The following KLF12 variants were observed in gnomAD, a reference collection of about 807,000 sequenced individuals.
KLF12 encodes KLF transcription factor 12.
KLF12 carries 9 observed loss-of-function variants against 37.8 expected under a neutral mutation model. That is an observed-to-expected ratio of 0.24 (90% CI 0.14 to 0.42). The LOEUF is 0.42. Among genes scored for constraint, KLF12 ranks in the 10% least tolerant of loss-of-function variants. The pLI, the probability that KLF12 is intolerant of heterozygous loss-of-function variation, is 1.00. For synonymous variants in KLF12, 208 were observed against 202.1 expected (o/e 1.03, Z -0.25); for missense variants, 411 against 516.0 (o/e 0.80, Z 1.97).
intron 6 of KLF12, among the ~76,000 whole-genome samples, chr13:73,756,751 G>A (rs1007356890): frequency 1.4e-4 from 22 of 152,040 alleles, no homozygotes; most frequent in Non-Finnish European, 1.2e-4. Flanking sequence ...GTAACCAAGG[G>A]CTGGGCACCT....
At chr13:74,030,539 T>C (rs1427341953) in intron 1 of KLF12, among the ~76,000 whole-genome samples, 3 of 152,122 alleles carry the variant, frequency 2.0e-5, no homozygotes, top group East Asian at 3.8e-4. Flanking sequence ...ACACCTCTAC[T>C]GTTTCAGAAA....
chr13:73,937,254 T>C (rs1051129242), intron 3 of KLF12, among the ~76,000 whole-genome samples: 2 of 152,080 alleles, frequency 1.3e-5, no homozygotes, highest in African/African-American at 4.8e-5. Context: ...TGAACCGGTA[T>C]GCAAACATTA....
the KLF12 span, among the ~76,000 whole-genome samples, chr13:74,193,113 G>A: frequency 6.6e-6 from 1 of 151,678 alleles, no homozygotes; most frequent in East Asian, 1.9e-4. Context: ...CGAGTAGTTG[G>A]GATTACAGGT....
At chr13:74,118,678 T>G (rs144212430) in intron 1 of KLF12, among the ~76,000 whole-genome samples, 23 of 152,224 alleles carry the variant, frequency 1.5e-4, no homozygotes, top group Non-Finnish European at 3.1e-4. Flanking sequence ...GATACGAAAA[T>G]GGAATTAAAC....
At chr13:74,083,720 C>T (rs1239755873) in intron 1 of KLF12, among the ~76,000 whole-genome samples, 1 of 152,104 alleles carries the variant, frequency 6.6e-6, no homozygotes, top group Non-Finnish European at 1.5e-5. Flanking sequence ...ATAGCTCAAA[C>T]ATAATTGAGT....
At position 73,692,372 on chromosome 13, in the gene KLF12, A is replaced by C. The variant is rs1238669854; in HGVS notation, c.*3118T>G. 6.6e-6 allele frequency: 1 copy of C among 152,502 alleles called. No individual in the cohort carries two copies. The highest frequency in any genetic ancestry group is 1.5e-5 in the Non-Finnish European group (1 of 68,036). The allele number at this position is 152,502 out of a possible 1,614,324, so 9.4% of individuals were successfully genotyped here. On this transcript the variant is annotated 3_prime_UTR_variant, in exon 8 of 8. Coordinates refer to ENST00000377669, the MANE Select transcript of KLF12 (RefSeq NM_007249.5). Reference sequence around the variant, plus strand: ...CCCTTGAAATCAATCTCTATACTGCAAACAGAAAATCAGGTCTACTGCAGC... The same window carrying C: ...CCCTTGAAATCAATCTCTATACTGCCAACAGAAAATCAGGTCTACTGCAGC...
chr13:74,216,605 C>G, the KLF12 span, among the ~76,000 whole-genome samples: 1 of 152,120 alleles, frequency 6.6e-6, no homozygotes, highest in Admixed American at 6.5e-5. Context: ...AAGTTTACAT[C>G]AGGAGACATA....
intron 5 of KLF12, among the ~76,000 whole-genome samples, chr13:73,799,641 G>A (rs554602797): frequency 2.6e-4 from 39 of 152,154 alleles, no homozygotes; most frequent in African/African-American, 8.7e-4. Flanking sequence ...ACAATGTAAT[G>A]TACCCAATAA....
intron 1 of KLF12, among the ~76,000 whole-genome samples, chr13:74,051,341 A>ACACACAC (rs1872911332): frequency 1.7e-4 from 24 of 143,776 alleles, no homozygotes; most frequent in South Asian, 6.9e-4. Flanking sequence ...TACACACACA[A>ACACACAC]ACACACACAC....
intron 7 of KLF12, among the ~76,000 whole-genome samples, chr13:73,696,951 A>T (rs1188389695): frequency 6.6e-6 from 1 of 152,182 alleles, no homozygotes; most frequent in Non-Finnish European, 1.5e-5. Context: ...ATATACCATG[A>T]AGATTTCGTT....
At position 73,695,548 on chromosome 13, in the gene KLF12, C is replaced by A. The variant is rs1438715687; in HGVS notation, c.1151G>T (p.Arg384Leu). 6.2e-7 allele frequency: 1 copy of A among 1,614,076 alleles called. No homozygotes were observed. The highest frequency in any genetic ancestry group is 8.5e-7 in the Non-Finnish European group (1 of 1,179,974). Residue 384 changes from arginine to leucine, a missense_variant, in exon 8 of 8, where the codon CGC becomes CTC. Physicochemically the swap from Arg to Leu is moderately radical, Grantham distance 102. Transcript: ENST00000377669. The stretch of plus-strand genomic sequence containing the variant: ...CAAATGATCTGACCGGGAAAAGCTG[C>A]GATCACAGTCCGCGCACTTGAATGG...
chr13:73,697,953 G>T (rs1188735577), intron 7 of KLF12, among the ~76,000 whole-genome samples: 1 of 152,104 alleles, frequency 6.6e-6, no homozygotes, highest in African/African-American at 2.4e-5. Flanking sequence ...AGGAGTTCAA[G>T]ATCAGCCTGG....
chr13:73,772,103 G>C (rs1234011451), intron 5 of KLF12, among the ~76,000 whole-genome samples: 1 of 152,210 alleles, frequency 6.6e-6, no homozygotes, highest in African/African-American at 2.4e-5. Context: ...ACAGAGCTGT[G>C]CAGCCACATC....
chr13:74,162,380 T>C, the KLF12 span, among the ~76,000 whole-genome samples: 1 of 152,234 alleles, frequency 6.6e-6, no homozygotes, highest in South Asian at 2.1e-4. Flanking sequence ...AATGTCTCTT[T>C]TATCTCAACC....
At chr13:73,746,027 G>T (rs1419273972) in intron 6 of KLF12, among the ~76,000 whole-genome samples, 1 of 150,882 alleles carries the variant, frequency 6.6e-6, no homozygotes, top group Non-Finnish European at 1.5e-5. Context: ...ATTTCACAAC[G>T]GTGTGGCACC....
chr13:74,019,877 G>A (rs913592916), intron 1 of KLF12, among the ~76,000 whole-genome samples: 3 of 152,186 alleles, frequency 2.0e-5, no homozygotes, highest in Non-Finnish European at 4.4e-5. Context: ...TCATGGCCTG[G>A]ACATTAAATA....
chr13:74,155,201 T>C, the KLF12 span, among the ~76,000 whole-genome samples: 2 of 152,182 alleles, frequency 1.3e-5, no homozygotes, highest in African/African-American at 4.8e-5. Context: ...TGCATGAATG[T>C]TCCTTAGAAT....
the KLF12 span, among the ~76,000 whole-genome samples, chr13:74,195,790 G>T: frequency 2.6e-5 from 4 of 151,984 alleles, no homozygotes; most frequent in Admixed American, 6.6e-5. Context: ...AGGAGAGATG[G>T]CCAGGCTGGT....
At chr13:73,809,924 T>G (rs1391825642) in intron 5 of KLF12, among the ~76,000 whole-genome samples, 1 of 152,134 alleles carries the variant, frequency 6.6e-6, no homozygotes, top group Non-Finnish European at 1.5e-5. Context: ...AGACAGGCAT[T>G]TGCACTATTA....
Sources: allele counts gnomAD v4.1 joint callset (sites outside exome capture counted in the v4.1 genomes callset), GRCh38; gene constraint gnomAD v4.1.1; transcripts MANE v1.5; gene names NCBI Gene and HGNC (gene_info 2026-07-23, HGNC 2026-07-21).